The following TDP1 variants were observed in gnomAD, a reference collection of about 807,000 sequenced individuals.
The protein encoded by TDP1 is tyr-DNA phosphodiesterase 1.
In TDP1, 64 loss-of-function variants were observed where a neutral mutation model predicts 81.5. The observed-to-expected ratio is 0.79, with a 90% CI of 0.64 to 0.97. The LOEUF (loss-of-function observed/expected upper bound fraction) is 0.97. TDP1 is among the 50% of genes least tolerant of loss of function. The pLI is 0.00. For missense variants in TDP1, 723 were observed against 743.8 expected, an observed-to-expected ratio of 0.97 and a Z score of 0.33; for synonymous variants, 256 against 264.3, an observed-to-expected ratio of 0.97 and a Z score of 0.30.
At chr14:90,033,773 G>A (rs992856263) in intron 16 of TDP1, among the ~76,000 whole-genome samples, 2 of 152,104 alleles carry the variant, frequency 1.3e-5, no homozygotes, top group Non-Finnish European at 2.9e-5. Flanking sequence ...CTATTGTAAC[G>A]TACATTTATG....
intron 16 of TDP1, among the ~76,000 whole-genome samples, chr14:90,037,968 T>G (rs1337358704): frequency 6.6e-6 from 1 of 152,232 alleles, no homozygotes; most frequent in Non-Finnish European, 1.5e-5. Context: ...TGAGGAACAT[T>G]CTACTTTGGG....
At chr14:89,982,916 C>T (rs1467081492) in intron 8 of TDP1, among the ~76,000 whole-genome samples, 1 of 152,186 alleles carries the variant, frequency 6.6e-6, no homozygotes, top group Non-Finnish European at 1.5e-5. Context: ...TGCTAATCCC[C>T]TTCAGCTGCC....
chr14:89,971,092 T>A, intron 5 of TDP1, 83 bp from the exon 6 acceptor site: 1 of 1,254,508 alleles, frequency 8.0e-7, no homozygotes, highest in Non-Finnish European at 1.2e-6. Context: ...TGCCTCGGCC[T>A]CCCAAGGTGC....
chr14:90,011,284 A>G (rs1884668916), intron 14 of TDP1, among the ~76,000 whole-genome samples: 1 of 152,156 alleles, frequency 6.6e-6, no homozygotes, highest in East Asian at 1.9e-4. Flanking sequence ...CTGTTATAGT[A>G]AATTGCTACC....
intron 2 of TDP1, among the ~76,000 whole-genome samples, chr14:89,961,731 T>C (rs1387825559): frequency 2.0e-5 from 3 of 152,224 alleles, no homozygotes; most frequent in Non-Finnish European, 4.4e-5. Context: ...TAGAGACATA[T>C]GCATATGTAT....
At chr14:89,993,094 C>T (rs1257097464) in intron 13 of TDP1, 5 of 948,746 alleles carry the variant, frequency 5.3e-6, no homozygotes, top group Non-Finnish European at 6.3e-6. Flanking sequence ...GTTAAAAGCA[C>T]AACAGAAATA....
intron 2 of TDP1, among the ~76,000 whole-genome samples, chr14:89,960,858 A>G (rs992030562): frequency 9.9e-5 from 15 of 152,196 alleles, no homozygotes; most frequent in Non-Finnish European, 2.2e-4. Flanking sequence ...AGTATTTCCA[A>G]CCCTCCCCTG....
At chr14:89,964,764 A>G (rs2139957867) in intron 3 of TDP1, 1 of 364,474 alleles carries the variant, frequency 2.7e-6, no homozygotes, top group Non-Finnish European at 5.3e-6. Context: ...GTTTTGCTCT[A>G]TATAATAAAA....
At chr14:89,983,252 G>A in intron 8 of TDP1, 1 of 416,858 alleles carries the variant, frequency 2.4e-6, no homozygotes, top group Non-Finnish European at 4.7e-6. Context: ...AAGGCCCAGA[G>A]AGATCACAGA....
chr14:89,997,818 A>G (rs1378042787), intron 14 of TDP1, among the ~76,000 whole-genome samples: 1 of 152,126 alleles, frequency 6.6e-6, no homozygotes, highest in Non-Finnish European at 1.5e-5. Context: ...TGTTTTATAT[A>G]TATATTCTAT....
Position 90,043,179 on chromosome 14 carries a change from A to G in TDP1, c.*36A>G, listed in dbSNP as rs1410689774. ...GCACTGTGAAATTTAAGTGTAAGAC[A>G]TTGAGCCACAAACATGGAATCTCTT... is the stretch of plus-strand genomic sequence containing the variant. On this transcript the variant is annotated 3_prime_UTR_variant, in exon 17 of 17. Transcript: ENST00000335725. 2.5e-6 allele frequency: 4 copies of G among 1,613,828 alleles called. No individual in the cohort carries two copies. The highest frequency in any genetic ancestry group is 3.3e-5 in the Admixed American group (2 of 59,996).
At position 89,993,450 on chromosome 14, in the gene TDP1, A is replaced by G. The variant is rs757208345; in HGVS notation, c.1508A>G (p.Asp503Gly). The change falls in exon 14 of 17, where the codon GAC becomes GGC. Residue 503 changes from aspartate to glycine, a missense_variant. Physicochemically the swap from Asp to Gly is moderately conservative, Grantham distance 94. Coordinates refer to ENST00000335725, the MANE Select transcript of TDP1 (RefSeq NM_018319.4). ...AAGACATATATGAGGCCTTCTCCAGACTTCAGTAAAATTGCTTGGTTCCTT... is the reference window on the plus strand; with the variant it reads ...AAGACATATATGAGGCCTTCTCCAGGCTTCAGTAAAATTGCTTGGTTCCTT... Reference protein sequence around the residue: ...HIKTYMRPSPDFSKIAWFLVT... With the variant: ...HIKTYMRPSPGFSKIAWFLVT... 7 of 1,613,854 alleles carry G rather than the reference A, an allele frequency of 4.3e-6. No individual in the cohort carries two copies. The South Asian group carries it at 6.6e-5, about 15-fold the overall frequency.
intron 8 of TDP1, 112 bp downstream of exon 8, chr14:89,980,744 C>T: frequency 1.1e-6 from 1 of 875,546 alleles, no homozygotes; most frequent in South Asian, 1.5e-5. Flanking sequence ...AAAAATAACA[C>T]ACATGGCCTA....
At chr14:89,991,629 C>T (rs1221857091) in intron 12 of TDP1, 2 of 984,692 alleles carry the variant, frequency 2.0e-6, no homozygotes, top group Admixed American at 1.2e-4. Flanking sequence ...TTAAAGGCAT[C>T]CCATGACTAT....
chr14:90,020,212 C>T (rs1170653619), intron 15 of TDP1, among the ~76,000 whole-genome samples: 3 of 152,178 alleles, frequency 2.0e-5, no homozygotes, highest in Admixed American at 6.5e-5. Flanking sequence ...ACGCTTGACC[C>T]AGAGAGATAT....
intron 14 of TDP1, among the ~76,000 whole-genome samples, chr14:90,005,492 A>C (rs1475072096): frequency 6.6e-6 from 1 of 152,244 alleles, no homozygotes; most frequent in East Asian, 1.9e-4. Flanking sequence ...AAAAGCATTA[A>C]CCATTTCCAA....
chr14:90,025,095 T>G (rs1886499003), intron 15 of TDP1, among the ~76,000 whole-genome samples: 1 of 152,232 alleles, frequency 6.6e-6, no homozygotes, highest in Non-Finnish European at 1.5e-5. Context: ...TGCTGTGTTC[T>G]GAGGGGCTCA....
intron 15 of TDP1, among the ~76,000 whole-genome samples, chr14:90,021,935 C>G (rs2140277905): frequency 6.6e-6 from 1 of 152,350 alleles, no homozygotes; most frequent in African/African-American, 2.4e-5. Flanking sequence ...CGTCATGACC[C>G]TGGTGAGGCC....
intron 7 of TDP1, among the ~76,000 whole-genome samples, chr14:89,977,034 AATCCCAGCTACATGGGAGG>A (rs966285189): frequency 6.6e-6 from 1 of 152,086 alleles, no homozygotes; most frequent in Non-Finnish European, 1.5e-5. Flanking sequence ...ACATGCCTAT[AATCCCAGCTACATGGGAGG>A]CTGAGGCAGG....
Sources: gnomAD v4.1 joint callset for allele counts (sites outside exome capture counted in the v4.1 genomes callset) on GRCh38, gnomAD v4.1.1 for gene constraint, MANE v1.5 for transcripts, NCBI Gene and HGNC (gene_info 2026-07-23, HGNC 2026-07-21) for gene names.